Variants in HELZ observed in about 807,000 individuals in gnomAD.
HELZ encodes the protein helicase with zinc finger, also known as ATP-dependent RNA helicase with zinc finger domain.
A neutral mutation model predicts 218.2 loss-of-function variants in HELZ; 23 were observed. That is an observed-to-expected ratio of 0.11 (90% CI 0.08 to 0.15). The LOEUF is 0.15. HELZ is among the 10% of genes least tolerant of loss of function. HELZ has a pLI of 1.00. For synonymous variants in HELZ, 814 were observed against 829.4 expected (o/e 0.98, Z 0.32); for missense variants, 1,813 against 2,353.7 (o/e 0.77, Z 4.75).
In HELZ at chr17:67,142,443, G is replaced by A. The variant is rs535483289; in HGVS notation, c.2769+3300C>T. On this transcript the variant is annotated intron_variant, in intron 21 of 32. Transcript: ENST00000358691. ...GATCACCTGAGCCCAGTGAGCTCAC[G>A]GCTGCAGTGAGCCATAATCATGTCA... 1.3e-4 allele frequency among the ~76,000 whole-genome samples: 20 copies of A among 152,236 alleles called. No homozygotes were observed. In the East Asian group the frequency reaches 1.9e-3, roughly 15 times the overall value.
At chr17:67,093,867 T>C (rs1287222311) in intron 31 of HELZ, among the ~76,000 whole-genome samples, 2 of 152,220 alleles carry the variant, frequency 1.3e-5, no homozygotes, top group African/African-American at 4.8e-5. Flanking sequence ...TTTAATGTCA[T>C]TTTAGCCTTA....
At chr17:67,231,466 G>A (rs1032511573) in intron 3 of HELZ, among the ~76,000 whole-genome samples, 1 of 151,922 alleles carries the variant, frequency 6.6e-6, no homozygotes, top group Non-Finnish European at 1.5e-5. Context: ...GGTGGCAGGC[G>A]CCTGTAGTCC....
intron 5 of HELZ, among the ~76,000 whole-genome samples, chr17:67,209,422 A>AC (rs2040396293): frequency 6.6e-6 from 1 of 152,024 alleles, no homozygotes; most frequent in Non-Finnish European, 1.5e-5. Flanking sequence ...GCATGGTGAA[A>AC]CCCCGTCACT....
chr17:67,083,881 T>C (rs1280587623), intron 32 of HELZ, among the ~76,000 whole-genome samples: 8 of 152,200 alleles, frequency 5.3e-5, no homozygotes, highest in Non-Finnish European at 1.0e-4. Flanking sequence ...GTGTATTCAG[T>C]GTCAAAACGG....
rs1270556204 is a variant in HELZ at position 67,108,695 on chromosome 17, T to C, written c.4521A>G (p.Thr1507=). The change falls in exon 30 of 33, where the codon ACA becomes ACG. Residue 1507 remains threonine, a synonymous_variant. Transcript: ENST00000358691. The surrounding 1 kb of genome is among the most constrained non-coding windows in gnomAD (Gnocchi z 4.1). Reference sequence around the variant, plus strand: ...GGAACCGTGCCTGCTGCTGCCTTAATGTTTCCAGAGCGACACTCCCATGTA... The same window carrying C: ...GGAACCGTGCCTGCTGCTGCCTTAACGTTTCCAGAGCGACACTCCCATGTA... ...DRIHGSVALE[T]LRQQQARFQQ... 1.9e-6 allele frequency: 3 copies of C among 1,612,916 alleles called. No individual in the cohort carries two copies. Among genetic ancestry groups the C allele is most frequent in the African/African-American group, 2.7e-5 (2 of 74,914 alleles).
rs576246644 is a variant in HELZ at position 67,131,219 on chromosome 17, T to C, written c.3183-2364A>G. Among the ~76,000 whole-genome samples the C allele has an allele frequency of 7.2e-5, 11 of 152,298 alleles. No individual in the cohort carries two copies. In the South Asian group the frequency reaches 1.7e-3, roughly 23 times the overall value. On this transcript the variant is annotated intron_variant, in intron 23 of 32. Coordinates refer to ENST00000358691, the MANE Select transcript of HELZ (RefSeq NM_014877.4). ...TCAATTTTTAATATCAATTTCTTAT[T>C]ACATTTTTCATTTCCAGCTTTCACA... is the stretch of plus-strand genomic sequence containing the variant.
intron 2 of HELZ, chr17:67,239,889 C>T (rs2041276727): frequency 6.6e-6 from 1 of 152,154 alleles, no homozygotes; most frequent in African/African-American, 2.4e-5. Flanking sequence ...GAATTTCTTC[C>T]TTTGTAAAAT....
chr17:67,153,543 C>T (rs1397655309), intron 17 of HELZ, among the ~76,000 whole-genome samples: 1 of 152,226 alleles, frequency 6.6e-6, no homozygotes, highest in Non-Finnish European at 1.5e-5. Flanking sequence ...TGTTCTTCCC[C>T]TCTCTAAGCT....
At chr17:67,122,519 CG>C (rs1206397438) in intron 26 of HELZ, among the ~76,000 whole-genome samples, 9 of 151,382 alleles carry the variant, frequency 5.9e-5, no homozygotes, top group Admixed American at 5.3e-4. Context: ...GCACTCCAGC[CG>C]GGGCAACAGA....
At chr17:67,139,063 C>T (rs572510698) in intron 21 of HELZ, among the ~76,000 whole-genome samples, 120 of 151,922 alleles carry the variant, frequency 7.9e-4, no homozygotes, top group South Asian at 1.7e-3. Flanking sequence ...TTAAGTACAT[C>T]GTTTCTTTAT....
chr17:67,165,741 A>C lies in HELZ; in HGVS notation c.1895+737T>G, dbSNP rs1598353344. 2.0e-5 allele frequency among the ~76,000 whole-genome samples: 3 copies of C among 152,310 alleles called. No individual in the cohort carries two copies. The South Asian group carries it at 6.2e-4, about 32-fold the overall frequency. On this transcript the variant is annotated intron_variant, in intron 15 of 32. Transcript: ENST00000358691. The stretch of plus-strand genomic sequence containing the variant: ...ATCCCAAAAAAATTTAAGCAGAACA[A>C]TATTTATACGACCATTAACTGGAGA...
intron 31 of HELZ, among the ~76,000 whole-genome samples, chr17:67,091,237 T>C (rs2036566702): frequency 1.3e-5 from 2 of 151,980 alleles, no homozygotes; most frequent in East Asian, 3.9e-4. Flanking sequence ...AAATACATAA[T>C]GATATCAAAT....
intron 23 of HELZ, 136 bp downstream of exon 23, chr17:67,135,834 T>C: frequency 1.5e-6 from 1 of 659,080 alleles, no homozygotes. Context: ...TAATATGCTT[T>C]TGTGTTCCCA....
chr17:67,081,484 C>T (rs2036187582), intron 32 of HELZ, among the ~76,000 whole-genome samples: 1 of 152,146 alleles, frequency 6.6e-6, no homozygotes, highest in Non-Finnish European at 1.5e-5. Context: ...ACTATTCCAC[C>T]ATCTTTAAGG....
In HELZ at chr17:67,167,793, G is replaced by A. The variant is rs769551211; in HGVS notation, c.1434C>T (p.Phe478=). Residue 478 remains phenylalanine, a synonymous_variant, in exon 14 of 33, where the codon TTC becomes TTT. Coordinates refer to ENST00000358691, the MANE Select transcript of HELZ (RefSeq NM_014877.4). ...EIAQYKEISK[F]NLKVQLQILA... is the part of the protein sequence containing the mutation. Reference sequence around the variant, plus strand: ...GAATCTGCAATTGCACTTTAAGGTTGAACCTAAACCAGAAGTAGAAAACTA... The same window carrying A: ...GAATCTGCAATTGCACTTTAAGGTTAAACCTAAACCAGAAGTAGAAAACTA... 35 of 1,593,908 alleles carry A rather than the reference G, an allele frequency of 2.2e-5. No homozygotes were observed. In the South Asian group the frequency reaches 3.6e-4, roughly 16 times the overall value.
chr17:67,089,418 G>T (rs1259320951), intron 31 of HELZ, among the ~76,000 whole-genome samples: 1 of 151,870 alleles, frequency 6.6e-6, no homozygotes, highest in Admixed American at 6.6e-5. Flanking sequence ...TATATCATTT[G>T]TATCTTCCAA....
In HELZ at chr17:67,145,738, G is replaced by A. The variant is rs371839934; in HGVS notation, c.2769+5C>T. ...GTTAACAATTTACAAAAAGAATTAA[G>A]GTACCTCTGCATTATTATAAAAAGC... On this transcript the variant is annotated splice_donor_5th_base_variant and intron_variant, in intron 21 of 32. Transcript: ENST00000358691. The A allele has an allele frequency of 1.6e-5, 26 of 1,593,276 alleles. No homozygotes were observed. The highest frequency in any genetic ancestry group is 6.8e-5 in the South Asian group (6 of 88,456).
chr17:67,186,705 G>A (rs931098341), intron 12 of HELZ, among the ~76,000 whole-genome samples: 1 of 152,072 alleles, frequency 6.6e-6, no homozygotes, highest in African/African-American at 2.4e-5. Context: ...ATTTCTATGG[G>A]TAAAGGAGTC....
At chr17:67,093,966 A>AAAG (rs2036653144) in intron 31 of HELZ, among the ~76,000 whole-genome samples, 2 of 152,080 alleles carry the variant, frequency 1.3e-5, no homozygotes, top group African/African-American at 4.8e-5. Flanking sequence ...TGTTTCCCTT[A>AAAG]AAAGATACAG....
Sources: gnomAD v4.1 joint callset for allele counts (sites outside exome capture counted in the v4.1 genomes callset) on GRCh38, gnomAD v4.1.1 for gene constraint, Gnocchi (gnomAD v3.1) non-coding constraint, MANE v1.5 for transcripts, NCBI Gene and HGNC (gene_info 2026-07-23, HGNC 2026-07-21) for gene names.